The following FHIP1B variants were observed in gnomAD, a reference collection of about 807,000 sequenced individuals.
FHIP1B encodes the protein FHF complex subunit HOOK-interacting protein 1B.
FHIP1B carries 28 observed loss-of-function variants against 82.2 expected under a neutral mutation model. The ratio of observed to expected loss-of-function variants is 0.34; its 90% confidence interval spans 0.25 to 0.47. The LOEUF is 0.47. Ranked by LOEUF, FHIP1B falls within the 20% of genes least tolerant of loss-of-function variation. FHIP1B has a pLI of 1.00. For synonymous variants in FHIP1B, 585 were observed against 516.1 expected (o/e 1.13, Z -1.81); for missense variants, 1,110 against 1,262.6 (o/e 0.88, Z 1.83).
rs532824166 is a variant in FHIP1B at position 6,217,809 on chromosome 11, T to C, written c.1777A>G (p.Lys593Glu). The change falls in exon 9 of 12, where the codon AAG becomes GAG. Residue 593 changes from lysine (K) to glutamate (E), a missense_variant. Lys to Glu is a moderately conservative substitution (Grantham distance 56, BLOSUM62 1). Coordinates refer to ENST00000449352, the MANE Select transcript of FHIP1B (RefSeq NM_001098794.2). ...TCCTCAGGCAGTAGGCTGCGTTTCT[T>C]AGTCCGGGAGCCAAAAGGACTGGGC... ...PEPSPFGSRT[K>E]KRSLLPEEDR... The C allele has an allele frequency of 6.2e-7, 1 of 1,612,762 alleles. No individual in the cohort carries two copies. The highest frequency in any genetic ancestry group is 1.3e-5 in the African/African-American group (1 of 74,958).
Position 6,214,563 on chromosome 11 carries a change from G to T in FHIP1B, c.2405C>A (p.Ser802Tyr). The change falls in exon 11 of 12, where the codon TCT (serine) becomes TAT (tyrosine). Residue 802 changes from serine (S) to tyrosine (Y), a missense_variant. Physicochemically the swap from Ser to Tyr is moderately radical, Grantham distance 144. Around this residue, in one of 6 missense-constraint regions of FHIP1B, gnomAD observed 39 missense variants for 79.6 expected, o/e 0.49. Transcript: ENST00000449352. ...SVKSLLQVLG[S>Y]VKNKIENFAA... The stretch of plus-strand genomic sequence containing the variant: ...AAAGTTCTCAATCTTATTCTTCACA[G>T]AGCCCAGCACCTATGAAGCACACCT... 1 of 1,612,796 alleles carries T rather than the reference G, an allele frequency of 6.2e-7. No homozygotes were observed. The highest frequency in any genetic ancestry group is 8.5e-7 in the Non-Finnish European group (1 of 1,179,190).
Position 6,222,597 on chromosome 11 carries a change from C to G in FHIP1B, c.1036G>C (p.Glu346Gln). The change falls in exon 6 of 12, where the codon GAG (glutamate) becomes CAG (glutamine). Residue 346 changes from glutamate to glutamine, a missense_variant. Around this residue, in one of 6 missense-constraint regions of FHIP1B, gnomAD observed 467 missense variants for 602.9 expected, o/e 0.77. Transcript: ENST00000449352. ...GPALHKTSVE[E>Q]MIASTAYLEL... is the part of the protein sequence containing the mutation. ...AGATAGGCGGTACTGGCGATCATCT[C>G]CTCCACAGAGGTCTGCACAAAAAGA... 1.9e-6 allele frequency: 3 copies of G among 1,614,058 alleles called. No homozygotes were observed. The highest frequency in any genetic ancestry group is 1.7e-6 in the Non-Finnish European group (2 of 1,180,004).
chr11:6,222,686 A>G, intron 5 of FHIP1B, 77 bp from the exon 6 acceptor site: 1 of 1,577,962 alleles, frequency 6.3e-7, no homozygotes, highest in South Asian at 1.1e-5. Context: ...GGATTCTAAG[A>G]GAAATCAGGA....
At position 6,217,804 on chromosome 11, in the gene FHIP1B, T is replaced by C. The variant is rs781545294; in HGVS notation, c.1782A>G (p.Lys594=). ...EPSPFGSRTK[K]RSLLPEEDRN... ...TGTCCTCCTCAGGCAGTAGGCTGCG[T>C]TTCTTAGTCCGGGAGCCAAAAGGAC... Residue 594 remains lysine (K), a synonymous_variant, in exon 9 of 12, where the codon AAA becomes AAG. Transcript: ENST00000449352. 14 of 1,576,248 alleles carry C rather than the reference T, an allele frequency of 8.9e-6. No individual in the cohort carries two copies. The South Asian group carries it at 1.6e-4, about 17-fold the overall frequency.
In FHIP1B at chr11:6,217,358, C is replaced by T. The variant is rs746934506; in HGVS notation, c.2215+13G>A. The T allele has an allele frequency of 7.4e-6, 12 of 1,611,906 alleles. No homozygotes were observed. The highest frequency in any genetic ancestry group is 3.3e-5 in the Admixed American group (2 of 60,020). On this transcript the variant is annotated intron_variant, in intron 9 of 11. Transcript: ENST00000449352. The stretch of plus-strand genomic sequence containing the variant: ...GAGTACACAGAAGGGAAGGCCTAGG[C>T]TAAGTAGCTTACCAGTGAAGGGCTG...
At chr11:6,215,760 A>G (rs537292711) in intron 9 of FHIP1B, among the ~76,000 whole-genome samples, 1 of 152,352 alleles carries the variant, frequency 6.6e-6, no homozygotes, top group African/African-American at 2.4e-5. Context: ...GCTAAGCCAG[A>G]TCACCAGCAG....
At chr11:6,217,072 A>C in intron 9 of FHIP1B, 1 of 702,712 alleles carries the variant, frequency 1.4e-6, no homozygotes, top group South Asian at 1.5e-5. Flanking sequence ...GAATATCCTA[A>C]TTACAAATCG....
intron 8 of FHIP1B, 97 bp from the exon 9 acceptor site, chr11:6,218,247 G>A (rs1847305221): frequency 1.4e-6 from 2 of 1,447,718 alleles, no homozygotes; most frequent in Middle Eastern, 1.9e-4. Context: ...CAATGGGGAG[G>A]CAGAAACATG....
chr11:6,224,101 G>C lies in FHIP1B; in HGVS notation c.286C>G (p.Leu96Val). ...VPSAPTGPGPLLEFALHEDLL... is the reference protein window; with the variant it reads ...VPSAPTGPGPVLEFALHEDLL... Reference sequence around the variant, plus strand: ...TCCTCGTGCAGAGCAAACTCCAGCAGGGGCCCAGGGCCTGTGGGGGCCGAG... The same window carrying C: ...TCCTCGTGCAGAGCAAACTCCAGCACGGGCCCAGGGCCTGTGGGGGCCGAG... Residue 96 changes from leucine to valine, a missense_variant, in exon 3 of 12, where the codon CTG becomes GTG. Transcript: ENST00000449352. The C allele has an allele frequency of 6.2e-7, 1 of 1,614,042 alleles. No homozygotes were observed. Among genetic ancestry groups the C allele is most frequent in the Non-Finnish European group, 8.5e-7 (1 of 1,179,962 alleles).
chr11:6,233,826 C>T (rs1222847539), intron 1 of FHIP1B, among the ~76,000 whole-genome samples: 1 of 152,144 alleles, frequency 6.6e-6, no homozygotes, highest in African/African-American at 2.4e-5. Context: ...AGCGCAAAAC[C>T]CTTCATGAGA....
In FHIP1B at chr11:6,224,702, C is replaced by A; in HGVS notation, c.-186G>T. On this transcript the variant is annotated 5_prime_UTR_variant, in exon 2 of 12. Transcript: ENST00000449352. ...AGAGGTCACTGGCCAGTCCAGATTT[C>A]TAAATCTAATTCAGAGAAGAGATAA... 1 of 589,918 alleles carries A rather than the reference C, an allele frequency of 1.7e-6. No homozygotes were observed. 36.5% of individuals were successfully genotyped at this position (589,918 alleles called of 1,614,324 possible).
intron 11 of FHIP1B, 58 bp from the exon 12 acceptor site, chr11:6,211,925 G>T: frequency 6.7e-7 from 1 of 1,483,092 alleles, no homozygotes; most frequent in South Asian, 1.4e-5. Flanking sequence ...CCCTTGGACT[G>T]AGAGGGGAGA....
chr11:6,217,456 G>A lies in FHIP1B; in HGVS notation c.2130C>T (p.Ser710=), dbSNP rs1457535263. ...CAGGGGGCTCAGGGGGACAGGTGAA[G>A]CTCTCGTAGGCCTCCTCCTCCTCAA... ...LPLEEEEAYE[S]FTCPPEPPGP... The change falls in exon 9 of 12, where the codon AGC becomes AGT. Residue 710 remains serine, a synonymous_variant. Transcript: ENST00000449352. The A allele has an allele frequency of 2.5e-6, 4 of 1,613,928 alleles. No homozygotes were observed. Among genetic ancestry groups the A allele is most frequent in the Admixed American group, 1.7e-5 (1 of 60,008 alleles).
At position 6,223,646 on chromosome 11, in the gene FHIP1B, C is replaced by T; in HGVS notation, c.741G>A (p.Val247=). The part of the protein sequence containing the change: ...LMALSAGSPT[V]GRYIADHSYF... ...AAGAGTGATCCGCGATGTAGCGGCCCACAGTGGGGCTCCCAGCTGACAAAG... is the reference window on the plus strand; with the variant it reads ...AAGAGTGATCCGCGATGTAGCGGCCTACAGTGGGGCTCCCAGCTGACAAAG... The change falls in exon 3 of 12, where the codon GTG becomes GTA. Residue 247 remains valine, a synonymous_variant. Coordinates refer to ENST00000449352, the MANE Select transcript of FHIP1B (RefSeq NM_001098794.2). The surrounding 1 kb of genome is among the most constrained non-coding windows in gnomAD (Gnocchi z 4.8). 1 of 1,609,340 alleles carries T rather than the reference C, an allele frequency of 6.2e-7. No individual in the cohort carries two copies. The highest frequency in any genetic ancestry group is 8.5e-7 in the Non-Finnish European group (1 of 1,177,302).
chr11:6,220,377 T>G (rs1198147986), intron 6 of FHIP1B, among the ~76,000 whole-genome samples: 1 of 152,114 alleles, frequency 6.6e-6, no homozygotes, highest in East Asian at 1.9e-4. Flanking sequence ...CCCCCCAAAA[T>G]TTTGATTTTA....
intron 1 of FHIP1B, among the ~76,000 whole-genome samples, chr11:6,226,661 T>TAG (rs1247119360): frequency 6.6e-6 from 1 of 152,238 alleles, no homozygotes; most frequent in Non-Finnish European, 1.5e-5. Context: ...GTTGCAAATT[T>TAG]AGTGTGCCTT....
At chr11:6,219,119 G>A (rs1189515764) in intron 6 of FHIP1B, 69 bp from the exon 7 acceptor site, 91 of 1,323,868 alleles carry the variant, frequency 6.9e-5, no homozygotes, top group Non-Finnish European at 7.9e-5. Context: ...TTCACCAAAC[G>A]GGAACCCCAC....
Position 6,227,394 on chromosome 11 carries a change from G to A in FHIP1B, c.-191-2687C>T, listed in dbSNP as rs7936756. On this transcript the variant is annotated intron_variant, in intron 1 of 11. Transcript: ENST00000449352. ...ATCTGCCTCCAGATTTAAATTAACCGCAAAGTAAAAGCAACAAGACCTGGC... is the reference window on the plus strand; with the variant it reads ...ATCTGCCTCCAGATTTAAATTAACCACAAAGTAAAAGCAACAAGACCTGGC... Among the ~76,000 whole-genome samples, 1,480 of 152,260 alleles carry A rather than the reference G, an allele frequency of 9.7e-3. 24 individuals carry two copies. The highest frequency in any genetic ancestry group is 0.033 in the African/African-American group (1,353 of 41,556).
chr11:6,227,188 T>C (rs188290354), intron 1 of FHIP1B, among the ~76,000 whole-genome samples: 2 of 152,328 alleles, frequency 1.3e-5, no homozygotes, highest in Admixed American at 1.3e-4. Flanking sequence ...AGCAAACATA[T>C]ATTTACTACA....
Sources: allele counts gnomAD v4.1 joint callset (sites outside exome capture counted in the v4.1 genomes callset), GRCh38; gene constraint gnomAD v4.1.1; regional missense constraint gnomAD v4.1.1; non-coding constraint Gnocchi (gnomAD v3.1); transcripts MANE v1.5; gene names NCBI Gene and HGNC (gene_info 2026-07-23, HGNC 2026-07-21).